Variants in DDX43 observed in about 807,000 individuals in gnomAD.
DDX43 encodes DEAD-box helicase 43.
In DDX43, 50 loss-of-function variants were observed where a neutral mutation model predicts 84.9. The observed-to-expected ratio is 0.59, with a 90% CI of 0.47 to 0.75. The LOEUF (loss-of-function observed/expected upper bound fraction) is 0.75, where lower values mean the gene tolerates loss of function less well. Among genes scored for constraint, DDX43 ranks in the 30% least tolerant of loss-of-function variants. The pLI is 0.00. For synonymous variants in DDX43, 291 were observed against 266.3 expected (o/e 1.09, Z -0.90); for missense variants, 689 against 798.6 (o/e 0.86, Z 1.65).
rs1326479527 is a variant in DDX43 at position 73,413,740 on chromosome 6, T to C, written c.1451T>C (p.Met484Thr). 1 of 1,613,882 alleles carries C rather than the reference T, an allele frequency of 6.2e-7. No individual in the cohort carries two copies. Among genetic ancestry groups the C allele is most frequent in the East Asian group, 2.2e-5 (1 of 44,870 alleles). Residue 484 changes from methionine to threonine, a missense_variant, in exon 12 of 17, where the codon ATG becomes ACG. Physicochemically the swap from Met to Thr is moderately conservative, Grantham distance 81 (BLOSUM62 -1). Transcript: ENST00000370336. ...CACATGCAAACTTTTCTACAGAGTA[T>C]GTCATCCACAGACAAAGTCATTGTC... The part of the protein sequence containing the change: ...WSHMQTFLQS[M>T]SSTDKVIVFV...
rs201778729 is a variant in DDX43 at position 73,414,719 on chromosome 6, A to G, written c.1745+33A>G. The G allele has an allele frequency of 3.4e-5, 54 of 1,579,728 alleles. No homozygotes were observed. The African/African-American group carries it at 5.7e-4, about 17-fold the overall frequency. On this transcript the variant is annotated intron_variant, in intron 14 of 16. Coordinates refer to ENST00000370336, the MANE Select transcript of DDX43 (RefSeq NM_018665.3). The stretch of plus-strand genomic sequence containing the variant: ...AGCTTAGTCCACCCATGAAAGGCCA[A>G]TTCTAGATTCTCCTTATTCCTCTCA...
intron 10 of DDX43, among the ~76,000 whole-genome samples, chr6:73,411,000 CA>C (rs1769774923): frequency 6.6e-6 from 1 of 151,782 alleles, no homozygotes; most frequent in Admixed American, 6.6e-5. Flanking sequence ...TCCTGGCTAA[CA>C]CGGTGAAACC....
intron 1 of DDX43, among the ~76,000 whole-genome samples, chr6:73,396,181 A>T (rs1461656385): frequency 6.6e-6 from 1 of 151,714 alleles, no homozygotes; most frequent in Non-Finnish European, 1.5e-5. Context: ...ATGGTCTCGA[A>T]CTCCTGTGGA....
intron 3 of DDX43, 51 bp downstream of exon 3, chr6:73,400,414 A>C (rs1250766945): frequency 6.6e-7 from 1 of 1,523,874 alleles, no homozygotes; most frequent in Non-Finnish European, 8.8e-7. Flanking sequence ...AATTTCATTC[A>C]GTGTTATAAG....
chr6:73,409,223 A>T (rs1769739230), intron 9 of DDX43, 25 bp from the exon 10 acceptor site: 1 of 1,579,764 alleles, frequency 6.3e-7, no homozygotes, highest in Non-Finnish European at 8.7e-7. Context: ...ATCTAATCTA[A>T]CCACATTCTT....
At chr6:73,414,779 T>C (rs1769869786) in intron 14 of DDX43, 93 bp downstream of exon 14, 1 of 1,194,420 alleles carries the variant, frequency 8.4e-7, no homozygotes, top group Non-Finnish European at 1.2e-6. Flanking sequence ...TTTATTCTAT[T>C]ACCTATAATT....
intron 11 of DDX43, among the ~76,000 whole-genome samples, chr6:73,412,668 T>TGTGTGTGTGCGCGCGCGC (rs538597626): frequency 9.2e-6 from 1 of 108,396 alleles, no homozygotes; most frequent in African/African-American, 4.0e-5. Flanking sequence ...TGTGTGTGTG[T>TGTGTGTGTGCGCGCGCGC]GCGCGCGCGC....
intron 9 of DDX43, among the ~76,000 whole-genome samples, 194 bp from the exon 10 acceptor site, chr6:73,409,054 C>T (rs1192572760): frequency 1.3e-5 from 2 of 152,104 alleles, no homozygotes; most frequent in African/African-American, 4.8e-5. Flanking sequence ...ATTGGAAAGC[C>T]AACAAAAATC....
chr6:73,407,834 T>C (rs1019089382), intron 8 of DDX43, 126 bp from the exon 9 acceptor site: 2 of 952,834 alleles, frequency 2.1e-6, no homozygotes, highest in African/African-American at 3.3e-5. Flanking sequence ...GTGTACATAA[T>C]TCTCAGAAAG....
intron 11 of DDX43, among the ~76,000 whole-genome samples, chr6:73,412,670 C>T (rs201804362): frequency 0.072 from 2,082 of 28,950 alleles, 102 homozygotes; most frequent in African/African-American, 0.18. Flanking sequence ...TGTGTGTGTG[C>T]GCGCGCGCGT....
chr6:73,416,769 G>A (rs1368443037), intron 16 of DDX43, among the ~76,000 whole-genome samples: 1 of 152,202 alleles, frequency 6.6e-6, no homozygotes, highest in East Asian at 1.9e-4. Context: ...ATACACAGTG[G>A]CTCACGCTTT....
At chr6:73,414,875 G>A (rs1769871605) in intron 14 of DDX43, among the ~76,000 whole-genome samples, 189 bp downstream of exon 14, 1 of 152,058 alleles carries the variant, frequency 6.6e-6, no homozygotes, top group Admixed American at 6.6e-5. Context: ...TTCCATCCAT[G>A]ATTAGCTTCT....
rs1769897372 is a variant in DDX43 at position 73,416,207 on chromosome 6, G to T, written c.1928G>T (p.Arg643Met). 6.3e-7 allele frequency: 1 copy of T among 1,588,034 alleles called. No individual in the cohort carries two copies. The highest frequency in any genetic ancestry group is 1.7e-5 in the Admixed American group (1 of 59,952). The change falls in exon 16 of 17, where the codon AGG becomes ATG. Residue 643 changes from arginine to methionine, a missense_variant. Around this residue, in one of 2 missense-constraint regions of DDX43, gnomAD observed 552 missense variants for 692.7 expected, o/e 0.80. Transcript: ENST00000370336. The part of the protein sequence containing the change: ...MERKMERPQG[R>M]PKKFH ...AGAAAAATGGAAAGACCTCAAGGAA[G>T]GCCCAAGAAGTTTCATTAATGTCTT...
intron 4 of DDX43, among the ~76,000 whole-genome samples, chr6:73,404,354 A>C (rs1018031640): frequency 1.3e-5 from 2 of 152,162 alleles, no homozygotes; most frequent in East Asian, 3.8e-4. Context: ...CAGCCTCCTG[A>C]AGTGCCAAGA....
chr6:73,415,181 C>G (rs1258588153), intron 14 of DDX43, among the ~76,000 whole-genome samples: 1 of 151,986 alleles, frequency 6.6e-6, no homozygotes, highest in Non-Finnish European at 1.5e-5. Flanking sequence ...GCCTGTAGTC[C>G]CAGCTACTCG....
At chr6:73,400,417 G>A in intron 3 of DDX43, 54 bp downstream of exon 3, 1 of 1,500,836 alleles carries the variant, frequency 6.7e-7, no homozygotes, top group East Asian at 2.4e-5. Flanking sequence ...TTCATTCAGT[G>A]TTATAAGCCA....
chr6:73,404,235 G>T (rs141225642), intron 4 of DDX43, among the ~76,000 whole-genome samples: 3 of 152,060 alleles, frequency 2.0e-5, no homozygotes, highest in African/African-American at 4.8e-5. Flanking sequence ...ACAGGCATGC[G>T]CCACTGTGCC....
intron 1 of DDX43, among the ~76,000 whole-genome samples, chr6:73,396,197 C>T (rs1336689433): frequency 6.6e-6 from 1 of 152,234 alleles, no homozygotes; most frequent in Admixed American, 6.5e-5. Context: ...GTGGATCCAC[C>T]CACCTCGGCC....
intron 4 of DDX43, among the ~76,000 whole-genome samples, chr6:73,402,408 T>C (rs1449853534): frequency 6.6e-6 from 1 of 152,084 alleles, no homozygotes; most frequent in Non-Finnish European, 1.5e-5. Context: ...CTTGGCAGCA[T>C]TTTGTTTGTT....
Sources: allele counts gnomAD v4.1 joint callset (sites outside exome capture counted in the v4.1 genomes callset), GRCh38; gene constraint gnomAD v4.1.1; regional missense constraint gnomAD v4.1.1; transcripts MANE v1.5; gene names NCBI Gene and HGNC (gene_info 2026-07-23, HGNC 2026-07-21).